The following TMEM132D variants were observed in gnomAD, a reference collection of about 807,000 sequenced individuals.
The protein encoded by TMEM132D is transmembrane protein 132D, also known as mature OL transmembrane protein.
TMEM132D carries 21 observed loss-of-function variants against 62.3 expected under a neutral mutation model. That is an observed-to-expected ratio of 0.34 (90% CI 0.24 to 0.49). The LOEUF (loss-of-function observed/expected upper bound fraction) is 0.49, where lower values mean the gene tolerates loss of function less well. Ranked by LOEUF, TMEM132D falls within the 20% of genes least tolerant of loss-of-function variation. TMEM132D has a pLI of 0.99. For synonymous variants in TMEM132D, 621 were observed against 575.6 expected (o/e 1.08, Z -1.13); for missense variants, 1,346 against 1,402.8 (o/e 0.96, Z 0.65).
intron 3 of TMEM132D, among the ~76,000 whole-genome samples, chr12:129,455,135 T>C (rs999572333): frequency 6.6e-6 from 1 of 152,200 alleles, no homozygotes. Context: ...CCAATAAGCA[T>C]GCTATTAGGT....
chr12:129,258,333 T>C (rs1880463323), intron 4 of TMEM132D, among the ~76,000 whole-genome samples: 1 of 152,102 alleles, frequency 6.6e-6, no homozygotes, highest in Admixed American at 6.5e-5. Flanking sequence ...TAATCATCAT[T>C]ATCAATAGTA....
chr12:129,226,246 G>A (rs1482294), intron 4 of TMEM132D, among the ~76,000 whole-genome samples: 70,672 of 151,842 alleles, frequency 0.47, 17,133 homozygotes, highest in East Asian at 0.85. Context: ...GTTCTTGGCC[G>A]CCTTCATTCC....
chr12:129,224,758 A>G (rs1879436097), intron 4 of TMEM132D, among the ~76,000 whole-genome samples: 1 of 152,150 alleles, frequency 6.6e-6, no homozygotes, highest in African/African-American at 2.4e-5. Flanking sequence ...ATACAAAATT[A>G]GCCAGGCATG....
chr12:129,457,350 A>G (rs7486545), intron 3 of TMEM132D, among the ~76,000 whole-genome samples: 114,403 of 146,012 alleles, frequency 0.78, 45,242 homozygotes, highest in East Asian at 0.99. Flanking sequence ...ACAAAAAACC[A>G]AACACCGCAT....
rs374968646 is a variant in TMEM132D, at chr12:129,704,941, T to C, written c.80-4243A>G. On this transcript the variant is annotated intron_variant, in intron 1 of 8. Coordinates refer to ENST00000422113, the MANE Select transcript of TMEM132D (RefSeq NM_133448.3). ...GAAAAGCAGAGCCTTTGTTGTTTTG[T>C]AAGGAAATAAGACTGAGATGGAAGA... Among the ~76,000 whole-genome samples, 70 of 152,322 alleles carry C rather than the reference T, an allele frequency of 4.6e-4. No individual in the cohort carries two copies. In the South Asian group the frequency reaches 0.014, roughly 32 times the overall value.
At chr12:129,591,554 G>A (rs773223331) in intron 2 of TMEM132D, among the ~76,000 whole-genome samples, 13 of 140,316 alleles carry the variant, frequency 9.3e-5, no homozygotes, top group Non-Finnish European at 1.7e-4. Context: ...TTTTTTTCTC[G>A]GTTTTAGGAA....
intron 5 of TMEM132D, among the ~76,000 whole-genome samples, chr12:129,180,963 G>T (rs1321923022): frequency 1.3e-5 from 2 of 152,124 alleles, no homozygotes; most frequent in African/African-American, 4.8e-5. Context: ...TTCAACAGGG[G>T]TAGAGCATGA....
At chr12:129,438,788 T>C (rs116359013) in intron 3 of TMEM132D, among the ~76,000 whole-genome samples, 1 of 152,184 alleles carries the variant, frequency 6.6e-6, no homozygotes, top group Non-Finnish European at 1.5e-5. Context: ...TGATGAGTAA[T>C]TTTAAAAAAT....
chr12:129,197,250 T>C (rs1390749057), intron 5 of TMEM132D, among the ~76,000 whole-genome samples: 1 of 152,158 alleles, frequency 6.6e-6, no homozygotes, highest in African/African-American at 2.4e-5. Context: ...AAAGCAGCCA[T>C]AGACAATACT....
intron 2 of TMEM132D, among the ~76,000 whole-genome samples, chr12:129,658,284 T>C (rs1296893443): frequency 6.6e-6 from 1 of 152,204 alleles, no homozygotes; most frequent in East Asian, 1.9e-4. Flanking sequence ...ATAACTTAGA[T>C]AAAGTAACCT....
chr12:129,206,291 G>T (rs1878845487), intron 5 of TMEM132D, among the ~76,000 whole-genome samples: 1 of 152,150 alleles, frequency 6.6e-6, no homozygotes, highest in South Asian at 2.1e-4. Context: ...AGTGAGCAAA[G>T]GACATGAACA....
At chr12:129,291,108 G>C (rs948638432) in intron 4 of TMEM132D, among the ~76,000 whole-genome samples, 1 of 152,152 alleles carries the variant, frequency 6.6e-6, no homozygotes, top group African/African-American at 2.4e-5. Context: ...CAGGTATCTG[G>C]ACTAAATCCT....
intron 2 of TMEM132D, among the ~76,000 whole-genome samples, chr12:129,576,708 CTCCTCCAAAACTTAATTACTAATAG>C (rs1877671546): frequency 6.6e-6 from 1 of 151,766 alleles, no homozygotes; most frequent in South Asian, 2.1e-4. Context: ...TAACTTCTGA[CTCCTCCAAAACTTAATTACTAATAG>C]CCTACTGTTG....
chr12:129,293,154 G>T (rs375443673), intron 4 of TMEM132D, among the ~76,000 whole-genome samples: 46 of 152,254 alleles, frequency 3.0e-4, no homozygotes, highest in African/African-American at 1.1e-3. Flanking sequence ...AGGGTGGTAC[G>T]GAGGCAGTGC....
chr12:129,726,635 G>A (rs1217784312), intron 1 of TMEM132D, among the ~76,000 whole-genome samples: 1 of 152,168 alleles, frequency 6.6e-6, no homozygotes, highest in African/African-American at 2.4e-5. Flanking sequence ...TTGAAAGATT[G>A]TCTTGCTGCT....
chr12:129,896,342 G>A (rs554268259), intron 1 of TMEM132D, among the ~76,000 whole-genome samples: 1 of 152,132 alleles, frequency 6.6e-6, no homozygotes, highest in East Asian at 1.9e-4. Context: ...GCTGCCAGGT[G>A]TTCATCTGCA....
At chr12:129,161,702 T>A (rs1179397469) in intron 5 of TMEM132D, among the ~76,000 whole-genome samples, 1 of 152,106 alleles carries the variant, frequency 6.6e-6, no homozygotes, top group Non-Finnish European at 1.5e-5. Flanking sequence ...CCTGGCAAGG[T>A]GTAGTAGCCA....
intron 3 of TMEM132D, among the ~76,000 whole-genome samples, chr12:129,448,538 G>T (rs1221117502): frequency 6.6e-6 from 1 of 152,144 alleles, no homozygotes; most frequent in African/African-American, 2.4e-5. Flanking sequence ...CATCCATGTT[G>T]CTGCAAAGGA....
chr12:129,866,612 A>G (rs1340925104), intron 1 of TMEM132D, among the ~76,000 whole-genome samples: 3 of 152,114 alleles, frequency 2.0e-5, no homozygotes, highest in East Asian at 1.9e-4. Context: ...TTAAAAAAAA[A>G]AAGAAAAATG....
Sources: allele counts gnomAD v4.1 joint callset (sites outside exome capture counted in the v4.1 genomes callset), GRCh38; gene constraint gnomAD v4.1.1; transcripts MANE v1.5; gene names NCBI Gene and HGNC (gene_info 2026-07-23, HGNC 2026-07-21).